The following POLA1 variants were observed in gnomAD, a reference collection of about 807,000 sequenced individuals.
POLA1 encodes DNA polymerase alpha catalytic subunit.
A neutral mutation model predicts 124.0 loss-of-function variants in POLA1; 15 were observed. The ratio of observed to expected loss-of-function variants is 0.12; its 90% CI spans 0.08 to 0.19. The LOEUF is 0.19. Among genes scored for constraint, POLA1 ranks in the 10% least tolerant of loss-of-function variants. The pLI, the probability that POLA1 is intolerant of heterozygous loss-of-function variation, is 1.00. For synonymous variants in POLA1, 408 were observed against 389.4 expected (o/e 1.05, Z -0.56); for missense variants, 886 against 1,103.4 (o/e 0.80, Z 2.79).
At chrX:24,698,836 A>G (rs2055628456) in intron 1 of POLA1, among the ~76,000 whole-genome samples, 1 of 110,261 alleles carries the variant, frequency 9.1e-6, no homozygotes, top group South Asian at 3.9e-4. Flanking sequence ...TATTTTTAGT[A>G]GAGATGGGGT....
At chrX:24,881,923 G>A (rs1191916316) in intron 34 of POLA1, among the ~76,000 whole-genome samples, 2 of 111,641 alleles carry the variant, frequency 1.8e-5, no homozygotes, top group Non-Finnish European at 3.8e-5. Flanking sequence ...TGATGAGAAA[G>A]GGCAGGGGAG....
chrX:24,805,682 C>T (rs1438320610), intron 26 of POLA1, among the ~76,000 whole-genome samples: 1 of 111,470 alleles, frequency 9.0e-6, no homozygotes, highest in East Asian at 2.8e-4. Flanking sequence ...TTGAAGTTGG[C>T]AGATTTTTGA....
At chrX:24,837,721 A>G (rs1243976725) in intron 32 of POLA1, among the ~76,000 whole-genome samples, 1 of 112,229 alleles carries the variant, frequency 8.9e-6, no homozygotes, top group East Asian at 2.8e-4. Context: ...TTACAAAAAA[A>G]TTTCACTCAA....
At chrX:24,800,095 T>C (rs2045680447) in intron 26 of POLA1, among the ~76,000 whole-genome samples, 1 of 111,638 alleles carries the variant, frequency 9.0e-6, no homozygotes, top group African/African-American at 3.3e-5. Flanking sequence ...CATATACATG[T>C]TTCTGTGAGC....
chrX:24,926,829 A>G (rs1370554793), intron 35 of POLA1, among the ~76,000 whole-genome samples: 1 of 107,648 alleles, frequency 9.3e-6, no homozygotes, highest in Non-Finnish European at 1.9e-5. Flanking sequence ...AGGTCTGATC[A>G]TCAGTACTTT....
intron 36 of POLA1, among the ~76,000 whole-genome samples, chrX:24,950,563 C>G (rs938475386): frequency 3.6e-5 from 4 of 112,096 alleles, no homozygotes; most frequent in Admixed American, 9.4e-5. Flanking sequence ...TGGCAAACAT[C>G]TGTTCCACCA....
chrX:24,972,532 G>A (rs1427446345), intron 36 of POLA1, among the ~76,000 whole-genome samples: 4 of 111,787 alleles, frequency 3.6e-5, no homozygotes, highest in African/African-American at 1.3e-4. Flanking sequence ...TGCTGCACAA[G>A]TCTAGCAACC....
chrX:24,703,253 C>T lies in POLA1; in HGVS notation c.171C>T (p.Val57=). Residue 57 remains valine, a splice_region_variant and synonymous_variant, in exon 3 of 37, where the codon GTC becomes GTT. Transcript: ENST00000379068. The part of the protein sequence containing the change: ...AKAGEKYKYE[V]EDFTGVYEEV... ...TCCTGAAACTTGTATAATGGTAGGT[C>T]GAGGACTTCACAGGTGTTTATGAAG... 1 of 1,189,581 alleles carries T rather than the reference C, an allele frequency of 8.4e-7. No homozygotes were observed. Among genetic ancestry groups the T allele is most frequent in the Non-Finnish European group, 1.1e-6 (1 of 877,750 alleles).
chrX:24,764,097 T>C (rs748248570), intron 26 of POLA1, among the ~76,000 whole-genome samples: 4 of 111,909 alleles, frequency 3.6e-5, no homozygotes, highest in Non-Finnish European at 7.5e-5. Context: ...ATTGACCCTC[T>C]GCTTCCTCAT....
At chrX:24,855,531 A>G (rs5943992) in intron 34 of POLA1, among the ~76,000 whole-genome samples, 24,157 of 111,344 alleles carry the variant, frequency 0.22, 1,977 homozygotes, top group South Asian at 0.37. Flanking sequence ...TGATCTGTGA[A>G]TATAAAATGA....
intron 17 of POLA1, 107 bp from the exon 18 acceptor site, chrX:24,735,292 G>T: frequency 4.3e-6 from 2 of 466,939 alleles, no homozygotes; most frequent in Non-Finnish European, 7.6e-6. Flanking sequence ...GAAATGGATG[G>T]TTTCTTTTAA....
intron 20 of POLA1, among the ~76,000 whole-genome samples, 193 bp from the exon 21 acceptor site, chrX:24,741,182 G>C (rs758260076): frequency 9.3e-6 from 1 of 107,546 alleles, no homozygotes; most frequent in Admixed American, 1.0e-4. Flanking sequence ...TTGGAGAAAA[G>C]CATTGGGATC....
chrX:24,773,105 C>T (rs1259691079), intron 26 of POLA1, among the ~76,000 whole-genome samples: 1 of 112,141 alleles, frequency 8.9e-6, no homozygotes, highest in Non-Finnish European at 1.9e-5. Context: ...TTTGTTTTTC[C>T]ACCTTTGATA....
intron 26 of POLA1, among the ~76,000 whole-genome samples, chrX:24,798,641 G>A (rs997291972): frequency 4.5e-5 from 5 of 110,110 alleles, no homozygotes; most frequent in African/African-American, 6.6e-5. Context: ...ATAAACATAC[G>A]AAATAATGTG....
chrX:24,714,639 C>A lies in POLA1; in HGVS notation c.432C>A (p.Phe144Leu). The change falls in exon 5 of 37, where the codon TTC (phenylalanine) becomes TTA (leucine). Residue 144 changes from phenylalanine (F) to leucine (L), a missense_variant. By Grantham distance (22) the Phe-to-Leu change is conservative. Around this residue, in one of 7 missense-constraint regions of POLA1, gnomAD observed 337 missense variants for 402.8 expected, o/e 0.84. Transcript: ENST00000379068. ...VTKPNNIKSM[F>L]IACAGKKTAD... ...AACCGAACAACATTAAGTCAATGTT[C>A]ATTGCTTGTGCTGGAAAGAAAACTG... 1.7e-6 allele frequency: 2 copies of A among 1,184,257 alleles called. No individual in the cohort carries two copies. Among genetic ancestry groups the A allele is most frequent in the Non-Finnish European group, 2.3e-6 (2 of 873,618 alleles).
At position 24,847,412 on chromosome X, in the gene POLA1, T is replaced by C. The variant is rs553878196; in HGVS notation, c.4047+3735T>C. On this transcript the variant is annotated intron_variant, in intron 34 of 36. Coordinates refer to ENST00000379068, the MANE Select transcript of POLA1 (RefSeq NM_001330360.2). Reference sequence around the variant, plus strand: ...CTGATGGCTTATGCAGGTTTTAGAGTATTCTGATTGGGTAAAGTGTGTTCC... The same window carrying C: ...CTGATGGCTTATGCAGGTTTTAGAGCATTCTGATTGGGTAAAGTGTGTTCC... Among the ~76,000 whole-genome samples, 47 of 112,070 alleles carry C rather than the reference T, an allele frequency of 4.2e-4. No individual in the cohort carries two copies. The South Asian group carries it at 0.016, about 39-fold the overall frequency.
At chrX:24,812,436 GTC>G (rs923828071) in intron 28 of POLA1, among the ~76,000 whole-genome samples, 7 of 110,426 alleles carry the variant, frequency 6.3e-5, no homozygotes, top group African/African-American at 2.0e-4. Flanking sequence ...ATCTATTATT[GTC>G]TCTCTCTCTC....
chrX:24,826,572 T>C lies in POLA1; in HGVS notation c.3707T>C (p.Ile1236Thr), dbSNP rs773707779. The change falls in exon 32 of 37, where the codon ATT becomes ACT. Residue 1236 changes from isoleucine (I) to threonine (T), a missense_variant. Transcript: ENST00000379068. ...VARICEPIDG[I>T]DAVLIATWLG... ...CGGATCTGTGAACCAATAGACGGAA[T>C]TGATGCTGTCCTCATTGCAACGTGG... The C allele has an allele frequency of 6.6e-6, 8 of 1,205,778 alleles. No individual in the cohort carries two copies. The South Asian group carries it at 1.4e-4, about 22-fold the overall frequency.
At chrX:24,887,911 G>T (rs918940250) in intron 34 of POLA1, 95 bp from the exon 35 acceptor site, 4 of 541,823 alleles carry the variant, frequency 7.4e-6, no homozygotes, top group Admixed American at 7.3e-5. Flanking sequence ...TCTGAGAAAA[G>T]ATTAAATAAA....
Sources: gnomAD v4.1 joint callset for allele counts (sites outside exome capture counted in the v4.1 genomes callset) on GRCh38, gnomAD v4.1.1 for gene constraint, gnomAD v4.1.1 regional missense constraint, MANE v1.5 for transcripts, NCBI Gene and HGNC (gene_info 2026-07-23, HGNC 2026-07-21) for gene names.